TOM1L2: variants seen among roughly 807,000 people sequenced by gnomAD.
The protein encoded by TOM1L2 is TOM1-like protein 2.
Under a neutral mutation model 67.9 loss-of-function variants are expected in TOM1L2, and 31 were observed. The observed-to-expected ratio is 0.46, with a 90% CI of 0.34 to 0.62. TOM1L2 has a LOEUF of 0.62. TOM1L2 is among the 20% of genes least tolerant of loss of function. The pLI, the probability that TOM1L2 is intolerant of heterozygous loss-of-function variation, is 0.01. For synonymous variants in TOM1L2, 256 were observed against 254.0 expected, an observed-to-expected ratio of 1.01 and a Z score of -0.07; for missense variants, 606 against 663.5, an observed-to-expected ratio of 0.91 and a Z score of 0.95.
At chr17:17,937,491 G>A (rs1165370675) in intron 1 of TOM1L2, among the ~76,000 whole-genome samples, 1 of 152,196 alleles carries the variant, frequency 6.6e-6, no homozygotes, top group Admixed American at 6.5e-5. Context: ...AATGAAGGCT[G>A]TCACATATGA....
At position 17,955,325 on chromosome 17, in the gene TOM1L2, CTTTTTTTTTTT is replaced by C. The variant is rs67575563; in HGVS notation, c.52+16926_52+16936del. Among the ~76,000 whole-genome samples the C allele has an allele frequency of 5.2e-3, 567 of 108,160 alleles. 5 individuals are homozygous for C. Among genetic ancestry groups the C allele is most frequent in the African/African-American group, 0.021 (528 of 25,700 alleles). 71.0% of individuals were successfully genotyped at this position (108,160 alleles called of 152,430 possible). A position where few individuals can be genotyped will look rare whatever the true frequency, so the allele number is the denominator to read the frequency against. ...GGCAGGACCCCAGACCACACAATTC[CTTTTTTTTTTT>C]TTTTTTTTTTTTTTGTTTTTGAGAC... On this transcript the variant is annotated intron_variant, in intron 1 of 14. Coordinates refer to ENST00000379504, the MANE Select transcript of TOM1L2 (RefSeq NM_001082968.2).
intron 1 of TOM1L2, among the ~76,000 whole-genome samples, chr17:17,971,896 G>A (rs1393018374): frequency 1.3e-5 from 2 of 151,124 alleles, no homozygotes. Flanking sequence ...GAGGCCCGAG[G>A]ACACAGATGC....
At chr17:17,922,048 T>C (rs552090204) in intron 1 of TOM1L2, among the ~76,000 whole-genome samples, 2 of 152,130 alleles carry the variant, frequency 1.3e-5, no homozygotes, top group East Asian at 3.8e-4. Flanking sequence ...CAGCTCAATT[T>C]AAAAACTTCA....
intron 4 of TOM1L2, among the ~76,000 whole-genome samples, chr17:17,888,188 A>G (rs1319936208): frequency 6.6e-6 from 1 of 152,204 alleles, no homozygotes; most frequent in East Asian, 1.9e-4. Context: ...TTAATGGCCA[A>G]GTGGTCAGTT....
chr17:17,937,598 G>A (rs1245567533), intron 1 of TOM1L2, among the ~76,000 whole-genome samples: 2 of 152,164 alleles, frequency 1.3e-5, no homozygotes, highest in Admixed American at 6.5e-5. Flanking sequence ...CAGGCTTTGC[G>A]TCACCTGCTG....
intron 1 of TOM1L2, among the ~76,000 whole-genome samples, chr17:17,960,571 C>A (rs996964962): frequency 2.6e-5 from 4 of 152,176 alleles, no homozygotes; most frequent in Non-Finnish European, 5.9e-5. Flanking sequence ...CTCCTGAGCT[C>A]AAGTGATCCT....
chr17:17,893,836 G>A (rs1404511203), intron 3 of TOM1L2, 26 bp from the exon 4 acceptor site: 2 of 1,609,046 alleles, frequency 1.2e-6, no homozygotes, highest in East Asian at 4.5e-5. Context: ...AAGGAAAAGG[G>A]TCACCCCAGT....
intron 1 of TOM1L2, among the ~76,000 whole-genome samples, chr17:17,950,943 C>T (rs1371429298): frequency 7.9e-5 from 12 of 152,148 alleles, no homozygotes. Context: ...TTTCTGGTGG[C>T]CTATGGGCAG....
chr17:17,903,537 C>T lies in TOM1L2; in HGVS notation c.137+3910G>A, dbSNP rs564144962. On this transcript the variant is annotated intron_variant, in intron 2 of 14. Coordinates refer to ENST00000379504, the MANE Select transcript of TOM1L2 (RefSeq NM_001082968.2). Reference sequence around the variant, plus strand: ...CTGAGGCAGGAGAATGGCATGAACCCGGGAGGCGGAGCTTGCAGTGAGCCG... The same window carrying T: ...CTGAGGCAGGAGAATGGCATGAACCTGGGAGGCGGAGCTTGCAGTGAGCCG... Among the ~76,000 whole-genome samples, 755 of 148,596 alleles carry T rather than the reference C, an allele frequency of 5.1e-3. 5 individuals are homozygous for T. Among genetic ancestry groups the T allele is most frequent in the Non-Finnish European group, 8.2e-3 (552 of 67,594 alleles).
At position 17,862,411 on chromosome 17, in the gene TOM1L2, G is replaced by A. The variant is rs1196590969; in HGVS notation, c.1202+320C>T. Reference sequence around the variant, plus strand: ...TCCAAGCTTCTCCTGTGGATGAGGGGCCAGGCAGGGTGGTGTCTGCAGCAG... The same window carrying A: ...TCCAAGCTTCTCCTGTGGATGAGGGACCAGGCAGGGTGGTGTCTGCAGCAG... On this transcript the variant is annotated intron_variant, in intron 11 of 14. Coordinates refer to ENST00000379504, the MANE Select transcript of TOM1L2 (RefSeq NM_001082968.2). 5 of 229,284 alleles carry A rather than the reference G, an allele frequency of 2.2e-5. No homozygotes were observed. The East Asian group carries it at 3.4e-4, about 15-fold the overall frequency. 14.2% of individuals were successfully genotyped at this position (229,284 alleles called of 1,614,324 possible).
At chr17:17,883,047 G>A (rs908351434) in intron 5 of TOM1L2, among the ~76,000 whole-genome samples, 184 bp from the exon 6 acceptor site, 2 of 152,170 alleles carry the variant, frequency 1.3e-5, no homozygotes, top group African/African-American at 4.8e-5. Flanking sequence ...TCTGGGAAGT[G>A]GGGCTGCCAA....
intron 2 of TOM1L2, among the ~76,000 whole-genome samples, chr17:17,902,923 C>CAGA (rs1215015412): frequency 6.6e-6 from 1 of 152,008 alleles, no homozygotes; most frequent in Admixed American, 6.5e-5. Flanking sequence ...AAATGGGACA[C>CAGA]AGACACAGGG....
intron 1 of TOM1L2, among the ~76,000 whole-genome samples, chr17:17,923,020 G>A (rs967802334): frequency 2.0e-5 from 3 of 152,164 alleles, no homozygotes; most frequent in Non-Finnish European, 4.4e-5. Context: ...CTATAAAAAG[G>A]CCTCAAAGAG....
At chr17:17,920,902 T>C (rs2039837459) in intron 1 of TOM1L2, among the ~76,000 whole-genome samples, 1 of 152,220 alleles carries the variant, frequency 6.6e-6, no homozygotes, top group South Asian at 2.1e-4. Context: ...TTCAAAGTGC[T>C]GGGATTACAG....
intron 1 of TOM1L2, among the ~76,000 whole-genome samples, chr17:17,912,784 G>A (rs2039447215): frequency 6.6e-6 from 1 of 151,980 alleles, no homozygotes; most frequent in African/African-American, 2.4e-5. Context: ...CAGACGGGGT[G>A]GCGGCCGGGC....
At chr17:17,851,038 C>A in intron 12 of TOM1L2, 86 bp from the exon 13 acceptor site, 2 of 1,493,030 alleles carry the variant, frequency 1.3e-6, no homozygotes, top group Non-Finnish European at 1.9e-6. Flanking sequence ...AAATCATCAA[C>A]AGCAACCCCA....
chr17:17,940,062 G>A (rs1289141332), intron 1 of TOM1L2, among the ~76,000 whole-genome samples: 4 of 151,996 alleles, frequency 2.6e-5, no homozygotes, highest in South Asian at 2.1e-4. Flanking sequence ...GTGTGGTGGC[G>A]GGTGCCTGTA....
chr17:17,957,750 C>T (rs935350279), intron 1 of TOM1L2, among the ~76,000 whole-genome samples: 1 of 151,862 alleles, frequency 6.6e-6, no homozygotes, highest in Non-Finnish European at 1.5e-5. Flanking sequence ...CACACACACA[C>T]GTACACACAC....
chr17:17,878,513 A>G (rs1332162385), intron 7 of TOM1L2, among the ~76,000 whole-genome samples: 1 of 152,102 alleles, frequency 6.6e-6, no homozygotes, highest in Non-Finnish European at 1.5e-5. Flanking sequence ...ATAAGAGCCG[A>G]TGGCTTTGGA....
Sources: allele counts gnomAD v4.1 joint callset (sites outside exome capture counted in the v4.1 genomes callset), GRCh38; gene constraint gnomAD v4.1.1; transcripts MANE v1.5; gene names NCBI Gene and HGNC (gene_info 2026-07-23, HGNC 2026-07-21).